Variants in ZDHHC20 observed in about 807,000 individuals in gnomAD.
ZDHHC20 encodes the protein palmitoyltransferase ZDHHC20.
A neutral mutation model predicts 57.8 loss-of-function variants in ZDHHC20; 43 were observed. The observed-to-expected ratio is 0.74, with a 90% CI of 0.58 to 0.96. The LOEUF (loss-of-function observed/expected upper bound fraction) is 0.96. ZDHHC20 is among the 40% of genes least tolerant of loss of function. The probability of loss-of-function intolerance (pLI) is 0.00; values close to 1 mark genes in which losing one functional copy is unlikely to be tolerated. For synonymous variants in ZDHHC20, 157 were observed against 153.0 expected, an observed-to-expected ratio of 1.03 and a Z score of -0.19; for missense variants, 391 against 441.1, an observed-to-expected ratio of 0.89 and a Z score of 1.02.
In ZDHHC20 at chr13:21,387,559, C is replaced by T. The variant is rs1874786731; in HGVS notation, c.803G>A (p.Arg268Lys). The T allele has an allele frequency of 2.2e-5, 33 of 1,533,508 alleles. No individual in the cohort carries two copies. Among genetic ancestry groups the T allele is most frequent in the Non-Finnish European group, 2.8e-5 (32 of 1,137,632 alleles). 95.0% of individuals were successfully genotyped at this position (1,533,508 alleles called of 1,614,324 possible). A position where few individuals can be genotyped will look rare whatever the true frequency, so the allele number is the denominator to read the frequency against. ...TTTCTTTTCATCACCAAAGACTTGT[C>T]TCCAATTTTTACTGCATCCAAGAGA... ...GFSLGCSKNWRQVFGDEKKYW... is the reference protein window; with the variant it reads ...GFSLGCSKNWKQVFGDEKKYW... The change falls in exon 9 of 13, where the codon AGA becomes AAA. Residue 268 changes from arginine to lysine, a missense_variant. By Grantham distance (26) the Arg-to-Lys change is conservative. Around this residue, in one of 3 missense-constraint regions of ZDHHC20, gnomAD observed 197 missense variants for 220.8 expected, o/e 0.89. Coordinates refer to ENST00000400590, the MANE Select transcript of ZDHHC20 (RefSeq NM_001330059.2).
At chr13:21,413,256 T>C (rs1879475744) in intron 4 of ZDHHC20, among the ~76,000 whole-genome samples, 1 of 152,164 alleles carries the variant, frequency 6.6e-6, no homozygotes, top group Non-Finnish European at 1.5e-5. Flanking sequence ...TTCCTATTTG[T>C]GTCTCTTACT....
rs1221748640 is a variant in ZDHHC20, at chr13:21,374,350, G to C, written c.*2346C>G. The C allele has an allele frequency of 1.1e-5, 5 of 447,058 alleles. No homozygotes were observed. Among genetic ancestry groups the C allele is most frequent in the Non-Finnish European group, 2.3e-5 (5 of 221,108 alleles). 27.7% of individuals were successfully genotyped at this position (447,058 alleles called of 1,614,324 possible). A position where few individuals can be genotyped will look rare whatever the true frequency, so the allele number is the denominator to read the frequency against. On this transcript the variant is annotated 3_prime_UTR_variant, in exon 13 of 13. Coordinates refer to ENST00000400590, the MANE Select transcript of ZDHHC20 (RefSeq NM_001330059.2). ...AGTGATTCTCCTGCCTCCACCTCCCGAGTAGTTGGGACTACAGGCGTGTGC... is the reference window on the plus strand; with the variant it reads ...AGTGATTCTCCTGCCTCCACCTCCCCAGTAGTTGGGACTACAGGCGTGTGC...
chr13:21,394,459 C>T (rs1163022101), intron 7 of ZDHHC20, among the ~76,000 whole-genome samples: 1 of 152,154 alleles, frequency 6.6e-6, no homozygotes, highest in African/African-American at 2.4e-5. Flanking sequence ...CCCTCCTTCT[C>T]AAAAGCAAGC....
intron 1 of ZDHHC20, among the ~76,000 whole-genome samples, chr13:21,426,448 T>C (rs1881258534): frequency 6.6e-6 from 1 of 152,190 alleles, no homozygotes; most frequent in African/African-American, 2.4e-5. Context: ...GCAGTCAGTG[T>C]AACACACCAC....
At chr13:21,422,270 AAAAAG>A (rs1183837547) in intron 2 of ZDHHC20, among the ~76,000 whole-genome samples, 1 of 151,844 alleles carries the variant, frequency 6.6e-6, no homozygotes, top group Non-Finnish European at 1.5e-5. Flanking sequence ...CTGAAAAAAA[AAAAAG>A]AAAAGAAAGA....
chr13:21,454,037 G>C (rs921011298), intron 1 of ZDHHC20, among the ~76,000 whole-genome samples: 1 of 151,898 alleles, frequency 6.6e-6, no homozygotes, highest in Admixed American at 6.6e-5. Flanking sequence ...TTGTAGAGAT[G>C]GAGTTTTGGC....
At chr13:21,440,068 G>GAAAAA (rs376263181) in intron 1 of ZDHHC20, among the ~76,000 whole-genome samples, 46 of 89,776 alleles carry the variant, frequency 5.1e-4, no homozygotes, top group African/African-American at 6.4e-4. Context: ...CTGTTTCTCA[G>GAAAAA]AAAAAAAAAA....
chr13:21,380,259 G>A (rs556832014), intron 11 of ZDHHC20, among the ~76,000 whole-genome samples: 219 of 151,916 alleles, frequency 1.4e-3, no homozygotes, highest in Admixed American at 5.1e-3. Flanking sequence ...GGGATTACAG[G>A]CACGTGCCAC....
intron 7 of ZDHHC20, among the ~76,000 whole-genome samples, 169 bp downstream of exon 7, chr13:21,400,204 T>A (rs982812847): frequency 1.0e-4 from 11 of 108,514 alleles, no homozygotes; most frequent in African/African-American, 2.9e-4. Context: ...CAAATAAACA[T>A]GTGTATATGA....
At chr13:21,417,759 C>T (rs1334111142) in intron 3 of ZDHHC20, among the ~76,000 whole-genome samples, 1 of 151,850 alleles carries the variant, frequency 6.6e-6, no homozygotes, top group Non-Finnish European at 1.5e-5. Flanking sequence ...CTTTTTAGAC[C>T]CAATCAATTC....
chr13:21,411,398 A>G (rs1163038509), intron 4 of ZDHHC20, among the ~76,000 whole-genome samples: 1 of 152,222 alleles, frequency 6.6e-6, no homozygotes, highest in African/African-American at 2.4e-5. Flanking sequence ...AGGTAAAACC[A>G]TATAATGTAG....
chr13:21,446,127 T>C (rs757506687), intron 1 of ZDHHC20, among the ~76,000 whole-genome samples: 1 of 152,216 alleles, frequency 6.6e-6, no homozygotes, highest in Non-Finnish European at 1.5e-5. Flanking sequence ...CAACTTTGAA[T>C]TTCATTTTAA....
intron 1 of ZDHHC20, among the ~76,000 whole-genome samples, chr13:21,458,080 A>T (rs753423362): frequency 1.3e-5 from 2 of 152,236 alleles, no homozygotes. Flanking sequence ...AAAGCCTAAG[A>T]ACAATTTACT....
chr13:21,409,477 G>A (rs183254882), intron 4 of ZDHHC20, among the ~76,000 whole-genome samples: 94 of 152,102 alleles, frequency 6.2e-4, no homozygotes, highest in African/African-American at 2.0e-3. Context: ...TTTTTTTATT[G>A]TGTCTATTTG....
intron 1 of ZDHHC20, among the ~76,000 whole-genome samples, chr13:21,436,331 T>C (rs1049032785): frequency 6.6e-6 from 1 of 152,230 alleles, no homozygotes; most frequent in Non-Finnish European, 1.5e-5. Flanking sequence ...ATAAGGTGCT[T>C]TGATTTATTG....
At position 21,372,915 on chromosome 13, in the gene ZDHHC20, A is replaced by G. The variant is rs1346095070; in HGVS notation, c.*3781T>C. Reference sequence around the variant, plus strand: ...CTAATAGCTTTCTTCATCTTTTAATACAAGTACAATTCCTTGCTTCTTTAT... The same window carrying G: ...CTAATAGCTTTCTTCATCTTTTAATGCAAGTACAATTCCTTGCTTCTTTAT... On this transcript the variant is annotated 3_prime_UTR_variant, in exon 13 of 13. Transcript: ENST00000400590. 1 of 152,226 alleles carries G rather than the reference A, an allele frequency of 6.6e-6. No homozygotes were observed. The highest frequency in any genetic ancestry group is 1.5e-5 in the Non-Finnish European group (1 of 68,016). 9.4% of individuals were successfully genotyped at this position (152,226 alleles called of 1,614,324 possible).
intron 1 of ZDHHC20, among the ~76,000 whole-genome samples, chr13:21,435,936 C>T (rs1042893740): frequency 1.3e-5 from 2 of 152,202 alleles, no homozygotes; most frequent in Non-Finnish European, 2.9e-5. Context: ...AGGGAGCAAT[C>T]TCACTGCAAT....
At chr13:21,407,215 C>T (rs1013200046) in intron 4 of ZDHHC20, among the ~76,000 whole-genome samples, 4 of 152,006 alleles carry the variant, frequency 2.6e-5, no homozygotes, top group African/African-American at 4.8e-5. Context: ...AGGCTGGTCT[C>T]GAACTCCTGA....
intron 1 of ZDHHC20, among the ~76,000 whole-genome samples, chr13:21,449,323 C>T (rs1246208710): frequency 6.6e-6 from 1 of 152,208 alleles, no homozygotes; most frequent in African/African-American, 2.4e-5. Flanking sequence ...TGGAATGTTT[C>T]TCTACTAATA....
Sources: allele counts gnomAD v4.1 joint callset (sites outside exome capture counted in the v4.1 genomes callset), GRCh38; gene constraint gnomAD v4.1.1; regional missense constraint gnomAD v4.1.1; transcripts MANE v1.5; gene names NCBI Gene and HGNC (gene_info 2026-07-23, HGNC 2026-07-21).